Variants in ANKRD35 observed in about 807,000 individuals in gnomAD.
The protein encoded by ANKRD35 is ankyrin repeat domain-containing protein 35.
A neutral mutation model predicts 109.9 loss-of-function variants in ANKRD35; 102 were observed. The observed-to-expected ratio is 0.93, with a 90% CI of 0.79 to 1.09. ANKRD35 has a LOEUF of 1.09. Among genes scored for constraint, ANKRD35 ranks in the 50% least tolerant of loss-of-function variants. The pLI is 0.00. For synonymous variants in ANKRD35, 515 were observed against 512.4 expected (o/e 1.01, Z -0.07); for missense variants, 1,240 against 1,230.1 (o/e 1.01, Z -0.12).
At chr1:145,880,034 G>A (rs1469453258) in intron 1 of ANKRD35, among the ~76,000 whole-genome samples, 2 of 152,048 alleles carry the variant, frequency 1.3e-5, no homozygotes, top group Non-Finnish European at 2.9e-5. Flanking sequence ...CCTTTCCATG[G>A]CAACAACAAC....
At position 145,875,005 on chromosome 1, in the gene ANKRD35, A is replaced by C; in HGVS notation, c.562T>G (p.Ser188Ala). The C allele has an allele frequency of 6.3e-7, 1 of 1,596,658 alleles. No individual in the cohort carries two copies. The highest frequency in any genetic ancestry group is 1.1e-5 in the South Asian group (1 of 88,460). ...TTCTCACAGGCCAGGATCAAAGCCG[A>C]TCTGTGGGTTGAGACAAATCTGAGC... ...RVNVTDKNDKSALILACEKGS... is the reference protein window; with the variant it reads ...RVNVTDKNDKAALILACEKGS... Residue 188 changes from serine to alanine, a missense_variant and splice_region_variant, in exon 8 of 14, where the codon TCG becomes GCG. Transcript: ENST00000355594.
chr1:145,873,074 C>A lies in ANKRD35; in HGVS notation c.1695G>T (p.Glu565Asp). 6.2e-7 allele frequency: 1 copy of A among 1,612,534 alleles called. No individual in the cohort carries two copies. Residue 565 changes from glutamate (E) to aspartate (D), a missense_variant, in exon 10 of 14, where the codon GAG (glutamate) becomes GAT (aspartate). By Grantham distance (45) the Glu-to-Asp change is conservative (BLOSUM62 2). Coordinates refer to ENST00000355594, the MANE Select transcript of ANKRD35 (RefSeq NM_144698.5). Reference protein sequence around the residue: ...LQVKPEVPSQESREGALKAAP... With the variant: ...LQVKPEVPSQDSREGALKAAP... ...CTGCCTTTAGGGCTCCCTCTCTGGA[C>A]TCCTGGGAAGGAACCTCAGGTTTCA...
At chr1:145,885,626 GA>G in intron 1 of ANKRD35, 93 bp downstream of exon 1, 1 of 1,412,108 alleles carries the variant, frequency 7.1e-7, no homozygotes. Context: ...CTGATAAAAA[GA>G]AAAGGCGATG....
At chr1:145,869,468 C>T (rs1653730035) in intron 10 of ANKRD35, among the ~76,000 whole-genome samples, 1 of 151,354 alleles carries the variant, frequency 6.6e-6, no homozygotes, top group Non-Finnish European at 1.5e-5. Context: ...AGGTGTGAGC[C>T]ACTGCGCCCA....
At chr1:145,878,072 C>T (rs1015662261) in intron 3 of ANKRD35, 40 bp from the exon 4 acceptor site, 1 of 1,571,228 alleles carries the variant, frequency 6.4e-7, no homozygotes, top group South Asian at 1.1e-5. Context: ...TAGGTGGCCC[C>T]ATGCATGCTG....
In ANKRD35 at chr1:145,874,884, T is replaced by C. The variant is rs782180907; in HGVS notation, c.683A>G (p.His228Arg). The C allele has an allele frequency of 1.2e-6, 2 of 1,613,578 alleles. No homozygotes were observed. Among genetic ancestry groups the C allele is most frequent in the Non-Finnish European group, 1.7e-6 (2 of 1,179,748 alleles). Reference sequence around the variant, plus strand: ...CCTCCACAGTGCCTTGTCTTGTGTGTGCAGAGCATAGTGCAGAGCATCATG... The same window carrying C: ...CCTCCACAGTGCCTTGTCTTGTGTGCGCAGAGCATAGTGCAGAGCATCATG... ...TGHDALHYAL[H>R]TQDKALWRHL... The change falls in exon 8 of 14, where the codon CAC (histidine) becomes CGC (arginine). Residue 228 changes from histidine (H) to arginine (R), a missense_variant. Physicochemically the swap from His to Arg is conservative, Grantham distance 29. Coordinates refer to ENST00000355594, the MANE Select transcript of ANKRD35 (RefSeq NM_144698.5).
At chr1:145,874,076 C>T (rs1204664480) in intron 9 of ANKRD35, 79 bp downstream of exon 9, 21 of 1,611,024 alleles carry the variant, frequency 1.3e-5, no homozygotes, top group Non-Finnish European at 1.7e-5. Context: ...CTTGACACCC[C>T]AAGGACCACT....
chr1:145,873,533 G>C lies in ANKRD35; in HGVS notation c.1236C>G (p.Ile412Met), dbSNP rs782439538. 2 of 1,613,988 alleles carry C rather than the reference G, an allele frequency of 1.2e-6. No individual in the cohort carries two copies. The highest frequency in any genetic ancestry group is 1.7e-5 in the Admixed American group (1 of 60,006). ...GGGACCTTCCATGGACTTCATACTGGATCTTTCCTGGGGCTGAGTCCTCAG... is the reference window on the plus strand; with the variant it reads ...GGGACCTTCCATGGACTTCATACTGCATCTTTCCTGGGGCTGAGTCCTCAG... ...KKAEDSAPGK[I>M]QYEVHGRSQP... Residue 412 changes from isoleucine (I) to methionine (M), a missense_variant, in exon 10 of 14, where the codon ATC (isoleucine) becomes ATG (methionine). Ile to Met is a conservative substitution (Grantham distance 10). Coordinates refer to ENST00000355594, the MANE Select transcript of ANKRD35 (RefSeq NM_144698.5).
intron 10 of ANKRD35, among the ~76,000 whole-genome samples, chr1:145,870,648 A>C (rs1653776207): frequency 6.6e-6 from 1 of 152,192 alleles, no homozygotes; most frequent in African/African-American, 2.4e-5. Context: ...ACTGATTCCT[A>C]TTCTGGATAA....
intron 7 of ANKRD35, among the ~76,000 whole-genome samples, 173 bp from the exon 8 acceptor site, chr1:145,875,179 C>G (rs2101710038): frequency 6.6e-6 from 1 of 151,668 alleles, no homozygotes. Flanking sequence ...GAGTTTCACT[C>G]TTGTTGCCCA....
intron 1 of ANKRD35, among the ~76,000 whole-genome samples, chr1:145,882,951 C>T (rs61816162): frequency 0.88 from 133,793 of 152,198 alleles, 58,987 homozygotes; most frequent in African/African-American, 0.93. Context: ...AAGCATCCTA[C>T]AACATGGAAG....
Position 145,867,273 on chromosome 1 carries a change from A to C in ANKRD35, c.*43+14T>G, listed in dbSNP as rs1481988548. The C allele has an allele frequency of 5.8e-6, 9 of 1,548,502 alleles. No individual in the cohort carries two copies. Among genetic ancestry groups the C allele is most frequent in the Non-Finnish European group, 8.0e-6 (9 of 1,121,446 alleles). On this transcript the variant is annotated intron_variant, in intron 13 of 13. Coordinates refer to ENST00000355594, the MANE Select transcript of ANKRD35 (RefSeq NM_144698.5). ...CCAAACTCCTTCCCTCATCACCCTT[A>C]ACCCACAACTCACAACAGAGAATCT...
At chr1:145,885,682 G>T in intron 1 of ANKRD35, 38 bp downstream of exon 1, 1 of 1,609,972 alleles carries the variant, frequency 6.2e-7, no homozygotes, top group Non-Finnish European at 8.5e-7. Flanking sequence ...ACAGAGCTGG[G>T]ATCCCAACCC....
At chr1:145,875,483 G>A (rs1220216713) in intron 7 of ANKRD35, among the ~76,000 whole-genome samples, 4 of 151,866 alleles carry the variant, frequency 2.6e-5, no homozygotes, top group Non-Finnish European at 5.9e-5. Flanking sequence ...TAGAGCTGCA[G>A]GAACAGAAAT....
Position 145,868,318 on chromosome 1 carries a change from T to C in ANKRD35, c.2870A>G (p.Gln957Arg). The change falls in exon 11 of 14, where the codon CAG becomes CGG. Residue 957 changes from glutamine to arginine, a missense_variant. Coordinates refer to ENST00000355594, the MANE Select transcript of ANKRD35 (RefSeq NM_144698.5). ...IRGENARLALQLQDSQKNHEE... is the reference protein window; with the variant it reads ...IRGENARLALRLQDSQKNHEE... ...CTGACAGCCAAAACATACCTGCAGC[T>C]GCAGGGCAAGGCGAGCATTTTCTCC... 1 of 1,614,196 alleles carries C rather than the reference T, an allele frequency of 6.2e-7. No individual in the cohort carries two copies. The highest frequency in any genetic ancestry group is 8.5e-7 in the Non-Finnish European group (1 of 1,180,028).
Position 145,872,289 on chromosome 1 carries a change from C to G in ANKRD35, c.2480G>C (p.Arg827Pro). 1 of 1,612,234 alleles carries G rather than the reference C, an allele frequency of 6.2e-7. No homozygotes were observed. The highest frequency in any genetic ancestry group is 8.5e-7 in the Non-Finnish European group (1 of 1,179,308). ...GTGTTGCCGTAGGCTGGCTGCCTCCCGGGCCCTTAGCTCAGCCACTTCCTC... is the reference window on the plus strand; with the variant it reads ...GTGTTGCCGTAGGCTGGCTGCCTCCGGGGCCCTTAGCTCAGCCACTTCCTC... ...ATEEVAELRA[R>P]EAASLRQHEK... The change falls in exon 10 of 14, where the codon CGG (arginine) becomes CCG (proline). Residue 827 changes from arginine to proline, a missense_variant. By Grantham distance (103) the Arg-to-Pro change is moderately radical. Coordinates refer to ENST00000355594, the MANE Select transcript of ANKRD35 (RefSeq NM_144698.5).
chr1:145,879,524 T>C (rs1553740767), intron 1 of ANKRD35, 136 bp from the exon 2 acceptor site: 1 of 1,058,468 alleles, frequency 9.4e-7, no homozygotes, highest in Admixed American at 3.7e-5. Context: ...ACATCCTAGA[T>C]CATTTAGTCC....
At chr1:145,869,838 A>C (rs60016853) in intron 10 of ANKRD35, among the ~76,000 whole-genome samples, 1,630 of 152,314 alleles carry the variant, frequency 0.011, 24 homozygotes, top group African/African-American at 0.037. Flanking sequence ...AAAATCACAC[A>C]GCTAATAAGT....
rs182864423 is a variant in ANKRD35, at chr1:145,879,186, T to C, written c.170+72A>G. 18 of 1,441,514 alleles carry C rather than the reference T, an allele frequency of 1.2e-5. No homozygotes were observed. The African/African-American group carries it at 2.6e-4, about 21-fold the overall frequency. The allele number at this position is 1,441,514 out of a possible 1,614,324, so 89.3% of individuals were successfully genotyped here. A position where few individuals can be genotyped will look rare whatever the true frequency, so the allele number is the denominator to read the frequency against. On this transcript the variant is annotated intron_variant, in intron 2 of 13. Transcript: ENST00000355594. Reference sequence around the variant, plus strand: ...TGAAGTTGTAGGCATTCCCTGGTCCTATGTTATATTGGATTTGGGGGCTTC... The same window carrying C: ...TGAAGTTGTAGGCATTCCCTGGTCCCATGTTATATTGGATTTGGGGGCTTC...
Sources: allele counts gnomAD v4.1 joint callset (sites outside exome capture counted in the v4.1 genomes callset), GRCh38; gene constraint gnomAD v4.1.1; transcripts MANE v1.5; gene names NCBI Gene and HGNC (gene_info 2026-07-23, HGNC 2026-07-21).